The following KDM5B variants were observed in gnomAD, a reference collection of about 807,000 sequenced individuals.
KDM5B encodes the protein lysine demethylase 5B.
Under a neutral mutation model 193.4 loss-of-function variants are expected in KDM5B, and 144 were observed. That is an observed-to-expected ratio of 0.74 (90% CI 0.65 to 0.86). KDM5B has a LOEUF of 0.86. Ranked by LOEUF, KDM5B falls within the 40% of genes least tolerant of loss-of-function variation. KDM5B has a pLI of 0.00. For missense variants in KDM5B, 1,833 were observed against 1,886.9 expected, an observed-to-expected ratio of 0.97 and a Z score of 0.53; for synonymous variants, 668 against 682.6, an observed-to-expected ratio of 0.98 and a Z score of 0.33.
rs1654772415 is a variant in KDM5B, at chr1:202,729,026, T to C, written c.*10A>G. 12 of 1,613,850 alleles carry C rather than the reference T, an allele frequency of 7.4e-6. No homozygotes were observed. Among genetic ancestry groups the C allele is most frequent in the Non-Finnish European group, 1.0e-5 (12 of 1,179,892 alleles). On this transcript the variant is annotated 3_prime_UTR_variant, in exon 27 of 27. Transcript: ENST00000367265. ...TTACATTAAGTAGGGGGGTATCTGT[T>C]TTTGTGTTTTTACTTTCGGCTTGGT...
chr1:202,733,727 A>G lies in KDM5B; in HGVS notation c.3583T>C (p.Cys1195Arg). 6.2e-7 allele frequency: 1 copy of G among 1,614,204 alleles called. No individual in the cohort carries two copies. The highest frequency in any genetic ancestry group is 8.5e-7 in the Non-Finnish European group (1 of 1,180,020). Residue 1195 changes from cysteine (C) to arginine (R), a missense_variant, in exon 23 of 27, where the codon TGC becomes CGC. Cys to Arg is a radical substitution (Grantham distance 180). Coordinates refer to ENST00000367265, the MANE Select transcript of KDM5B (RefSeq NM_006618.5). ...CAACTGGTGTGGAAAGCATCCCTGC[A>G]GAGTTCACATTGAATCATAGGGGCA... ...PAAPMIQCEL[C>R]RDAFHTSCVA...
At chr1:202,798,150 G>T (rs999789894) in intron 1 of KDM5B, among the ~76,000 whole-genome samples, 4 of 152,154 alleles carry the variant, frequency 2.6e-5, no homozygotes, top group African/African-American at 7.2e-5. Context: ...AGTGAGCCAA[G>T]ATCACATCAT....
chr1:202,794,415 C>T (rs1210776189), intron 1 of KDM5B, among the ~76,000 whole-genome samples: 9 of 152,164 alleles, frequency 5.9e-5, no homozygotes, highest in Admixed American at 5.9e-4. Flanking sequence ...ATGAAAAGTT[C>T]CAATCAAGTG....
intron 11 of KDM5B, among the ~76,000 whole-genome samples, chr1:202,754,272 T>C (rs768389897): frequency 1.9e-4 from 29 of 152,214 alleles, no homozygotes; most frequent in Non-Finnish European, 3.4e-4. Flanking sequence ...TCTATACATA[T>C]ATATGCCAAT....
rs745458065 is a variant in KDM5B at position 202,750,671 on chromosome 1, G to A, written c.1809C>T (p.Cys603=). 1.2e-6 allele frequency: 2 copies of A among 1,613,846 alleles called. No homozygotes were observed. The highest frequency in any genetic ancestry group is 2.7e-5 in the African/African-American group (2 of 75,018). ...GFNFAEAVNF[C]TVDWLPLGRQ... is the part of the protein sequence containing the mutation. ...TGTAATTACATACCCAATCAACAGTGCAGAAGTTAACAGCCTCAGCAAAAT... is the reference window on the plus strand; with the variant it reads ...TGTAATTACATACCCAATCAACAGTACAGAAGTTAACAGCCTCAGCAAAAT... The change falls in exon 13 of 27, where the codon TGC becomes TGT. Residue 603 remains cysteine, a synonymous_variant. Coordinates refer to ENST00000367265, the MANE Select transcript of KDM5B (RefSeq NM_006618.5).
At chr1:202,778,132 G>A (rs1449167350) in intron 1 of KDM5B, among the ~76,000 whole-genome samples, 2 of 151,542 alleles carry the variant, frequency 1.3e-5, no homozygotes, top group African/African-American at 4.9e-5. Context: ...CCAAGATCGC[G>A]CCATTGCACT....
At chr1:202,737,965 A>G (rs548311189) in intron 20 of KDM5B, among the ~76,000 whole-genome samples, 200 of 152,338 alleles carry the variant, frequency 1.3e-3, no homozygotes, top group Middle Eastern at 3.4e-3. Flanking sequence ...GTTCTGATGG[A>G]CACTTAAGAA....
intron 2 of KDM5B, among the ~76,000 whole-genome samples, chr1:202,775,012 C>T (rs910616261): frequency 3.3e-5 from 5 of 151,852 alleles, no homozygotes; most frequent in Admixed American, 2.0e-4. Context: ...GAGGCTGAGG[C>T]GAGCGAATCA....
chr1:202,748,516 A>G (rs1407498066), intron 14 of KDM5B, among the ~76,000 whole-genome samples: 1 of 151,994 alleles, frequency 6.6e-6, no homozygotes, highest in African/African-American at 2.4e-5. Context: ...GATTTAAAAA[A>G]AAAAAAACTG....
intron 1 of KDM5B, among the ~76,000 whole-genome samples, chr1:202,786,530 G>T (rs754230936): frequency 6.6e-6 from 1 of 152,060 alleles, no homozygotes; most frequent in Non-Finnish European, 1.5e-5. Context: ...ACATTTATTA[G>T]GTTGGTGCAA....
chr1:202,774,908 G>C (rs1656876026), intron 2 of KDM5B, among the ~76,000 whole-genome samples, 173 bp from the exon 3 acceptor site: 1 of 152,042 alleles, frequency 6.6e-6, no homozygotes. Context: ...AATTCAGTGA[G>C]AAACGGCCAA....
Position 202,736,911 on chromosome 1 carries a change from G to A in KDM5B, c.3085-519C>T, listed in dbSNP as rs542367050. Among the ~76,000 whole-genome samples, 120 of 152,186 alleles carry A rather than the reference G, an allele frequency of 7.9e-4. 1 individual carries two copies. The highest frequency in any genetic ancestry group is 1.5e-3 in the Non-Finnish European group (99 of 68,012). ...CCCACCTTGGCCTCCCAAAGTGCTGGGATTACAGTGAGCCACTGTGCTGGG... is the reference window on the plus strand; with the variant it reads ...CCCACCTTGGCCTCCCAAAGTGCTGAGATTACAGTGAGCCACTGTGCTGGG... On this transcript the variant is annotated intron_variant, in intron 20 of 26. Coordinates refer to ENST00000367265, the MANE Select transcript of KDM5B (RefSeq NM_006618.5).
intron 10 of KDM5B, 143 bp downstream of exon 10, chr1:202,756,215 C>A (rs556038768): frequency 1.4e-6 from 1 of 695,656 alleles, no homozygotes; most frequent in East Asian, 2.6e-5. Flanking sequence ...GACTAGAATT[C>A]TTCTGTAGGC....
intron 1 of KDM5B, among the ~76,000 whole-genome samples, chr1:202,798,300 C>CT (rs34994129): frequency 0.017 from 2,252 of 131,352 alleles, 80 homozygotes; most frequent in African/African-American, 0.054. Context: ...TGGTTTTTGT[C>CT]TTTTTTTTTT....
intron 1 of KDM5B, chr1:202,807,043 T>G (rs1457532703): frequency 6.6e-6 from 1 of 152,280 alleles, no homozygotes; most frequent in African/African-American, 2.4e-5. Context: ...CCGTTACGGA[T>G]GGTTTCAGCA....
chr1:202,753,064 AC>A lies in KDM5B; in HGVS notation c.1541del (p.Gly514ValfsTer17). The A allele has an allele frequency of 6.2e-7, 1 of 1,610,372 alleles. No individual in the cohort carries two copies. Among genetic ancestry groups the A allele is most frequent in the Non-Finnish European group, 8.5e-7 (1 of 1,178,846 alleles). On this transcript the variant is annotated frameshift_variant and splice_region_variant, in exon 12 of 27. Coordinates refer to ENST00000367265, the MANE Select transcript of KDM5B (RefSeq NM_006618.5). LOFTEE classifies it high-confidence loss of function. ...GGACTCCATACCAGGTTTTTGGCTC[AC>A]CCCTGGAAATAGATTATAAAAATAA... The part of the protein sequence containing the change: ...WSYSINYLHW[G>X]EPKTWYGVPG...
At chr1:202,766,515 AAAAAG>A (rs1337742661) in intron 5 of KDM5B, 3 of 438,256 alleles carry the variant, frequency 6.8e-6, no homozygotes, top group Non-Finnish European at 1.4e-5. Flanking sequence ...CTAAAAAAAA[AAAAAG>A]AAGTCTGAGA....
At chr1:202,746,363 AT>A in intron 14 of KDM5B, 40 bp from the exon 15 acceptor site, 1 of 1,381,700 alleles carries the variant, frequency 7.2e-7, no homozygotes, top group Non-Finnish European at 9.9e-7. Flanking sequence ...CCAAAGGATA[AT>A]ATAATCCACC....
chr1:202,799,629 C>T lies in KDM5B; in HGVS notation c.204+8473G>A, dbSNP rs1428839990. On this transcript the variant is annotated intron_variant, in intron 1 of 26. Transcript: ENST00000367265. ...GATCACGCCACTGCATGCACTCCAGCCTGGGTGACAAGCGTGAAACTCCAT... is the reference window on the plus strand; with the variant it reads ...GATCACGCCACTGCATGCACTCCAGTCTGGGTGACAAGCGTGAAACTCCAT... Among the ~76,000 whole-genome samples the T allele has an allele frequency of 2.6e-5, 4 of 151,246 alleles. No homozygotes were observed. The South Asian group carries it at 8.3e-4, about 31-fold the overall frequency.
Sources: gnomAD v4.1 joint callset for allele counts (sites outside exome capture counted in the v4.1 genomes callset) on GRCh38, gnomAD v4.1.1 for gene constraint, MANE v1.5 for transcripts, NCBI Gene and HGNC (gene_info 2026-07-23, HGNC 2026-07-21) for gene names.